DGKB: variants seen among roughly 807,000 people sequenced by gnomAD.
DGKB encodes the protein diacylglycerol kinase beta.
A neutral mutation model predicts 114.3 loss-of-function variants in DGKB; 67 were observed. The observed-to-expected ratio is 0.59, with a 90% confidence interval of 0.48 to 0.72. DGKB has a LOEUF of 0.72. Ranked by LOEUF, DGKB falls within the 30% of genes least tolerant of loss-of-function variation. DGKB has a pLI of 0.00. For synonymous variants in DGKB, 398 were observed against 323.1 expected, an observed-to-expected ratio of 1.23 and a Z score of -2.49; for missense variants, 907 against 975.2, an observed-to-expected ratio of 0.93 and a Z score of 0.93.
intron 23 of DGKB, among the ~76,000 whole-genome samples, chr7:14,313,612 A>T (rs898685722): frequency 2.6e-5 from 4 of 152,142 alleles, no homozygotes. Flanking sequence ...TTATATCCGC[A>T]CCTGGCTCGG....
chr7:14,820,112 A>G (rs555868018), intron 2 of DGKB, among the ~76,000 whole-genome samples: 2 of 152,180 alleles, frequency 1.3e-5, no homozygotes, highest in African/African-American at 2.4e-5. Flanking sequence ...AGCTCATTGT[A>G]GTAGGAATTA....
intron 13 of DGKB, among the ~76,000 whole-genome samples, chr7:14,670,532 T>C (rs1818799301): frequency 6.6e-6 from 1 of 152,108 alleles, no homozygotes; most frequent in East Asian, 1.9e-4. Flanking sequence ...CTTGAACTCC[T>C]GACCTCAAGT....
Position 14,614,399 on chromosome 7 carries a change from A to T in DGKB, c.1285-986T>A, listed in dbSNP as rs541263152. Among the ~76,000 whole-genome samples, 11 of 152,228 alleles carry T rather than the reference A, an allele frequency of 7.2e-5. No individual in the cohort carries two copies. The South Asian group carries it at 2.1e-3, about 29-fold the overall frequency. ...ATCTAAATACAGTTTGATGAAAAAA[A>T]TTTAATAACAAAAGTATTCAGCTAA... On this transcript the variant is annotated intron_variant, in intron 15 of 25. Transcript: ENST00000402815.
intron 22 of DGKB, 87 bp from the exon 23 acceptor site, chr7:14,338,797 A>G: frequency 1.2e-6 from 1 of 837,944 alleles, no homozygotes; most frequent in Non-Finnish European, 1.7e-6. Context: ...ATCTTTTAAT[A>G]AGTGCGTTGA....
At chr7:14,415,351 T>C (rs1583764234) in intron 21 of DGKB, among the ~76,000 whole-genome samples, 2 of 152,184 alleles carry the variant, frequency 1.3e-5, no homozygotes, top group African/African-American at 4.8e-5. Context: ...ACATGTGCCA[T>C]GTTGGTGTGC....
intron 1 of DGKB, among the ~76,000 whole-genome samples, chr7:14,940,185 T>C (rs1163437354): frequency 1.3e-5 from 2 of 152,184 alleles, no homozygotes; most frequent in South Asian, 4.1e-4. Context: ...TCAGCAAATA[T>C]TTAATGAATG....
At chr7:14,672,407 G>T (rs1330278217) in intron 13 of DGKB, among the ~76,000 whole-genome samples, 1 of 151,700 alleles carries the variant, frequency 6.6e-6, no homozygotes, top group African/African-American at 2.4e-5. Context: ...TATACTTATT[G>T]AATTAAGTAA....
At chr7:14,296,449 G>C (rs1802577918) in intron 23 of DGKB, among the ~76,000 whole-genome samples, 1 of 152,116 alleles carries the variant, frequency 6.6e-6, no homozygotes, top group Non-Finnish European at 1.5e-5. Context: ...ATTGTGAATA[G>C]TGCTGCAATA....
chr7:14,272,592 T>C (rs1378320397), intron 23 of DGKB, among the ~76,000 whole-genome samples: 1 of 152,186 alleles, frequency 6.6e-6, no homozygotes, highest in Non-Finnish European at 1.5e-5. Context: ...TGCCATACTG[T>C]TAGCACCTCC....
At chr7:14,542,792 G>T (rs186673262) in intron 20 of DGKB, among the ~76,000 whole-genome samples, 1 of 152,246 alleles carries the variant, frequency 6.6e-6, no homozygotes, top group African/African-American at 2.4e-5. Flanking sequence ...CGCATCCAGA[G>T]GACTTTTGGA....
intron 23 of DGKB, among the ~76,000 whole-genome samples, chr7:14,268,443 G>C (rs1797831122): frequency 6.6e-6 from 1 of 152,144 alleles, no homozygotes; most frequent in African/African-American, 2.4e-5. Flanking sequence ...AATACATGGA[G>C]ATACTTCAAG....
intron 25 of DGKB, among the ~76,000 whole-genome samples, chr7:14,175,084 AAATC>A (rs1268637608): frequency 2.6e-5 from 4 of 152,234 alleles, no homozygotes; most frequent in African/African-American, 9.6e-5. Context: ...GTGCTGTTTG[AAATC>A]TGTAACTAAG....
intron 21 of DGKB, among the ~76,000 whole-genome samples, chr7:14,347,335 G>C (rs865960923): frequency 6.6e-6 from 1 of 151,986 alleles, no homozygotes; most frequent in South Asian, 2.1e-4. Flanking sequence ...TTTGTATACT[G>C]TTAGTGAGAA....
At chr7:14,817,783 C>T (rs1053194057) in intron 2 of DGKB, among the ~76,000 whole-genome samples, 2 of 152,148 alleles carry the variant, frequency 1.3e-5, no homozygotes, top group African/African-American at 4.8e-5. Flanking sequence ...ATTTCCATAT[C>T]CCTGCCACAG....
intron 1 of DGKB, among the ~76,000 whole-genome samples, chr7:14,955,794 G>A (rs1786469160): frequency 6.6e-6 from 1 of 152,040 alleles, no homozygotes; most frequent in Non-Finnish European, 1.5e-5. Flanking sequence ...CAGATGATAT[G>A]TGGAATCATA....
At chr7:14,405,197 CAGA>C (rs1007336116) in intron 21 of DGKB, among the ~76,000 whole-genome samples, 1 of 151,938 alleles carries the variant, frequency 6.6e-6, no homozygotes, top group African/African-American at 2.4e-5. Context: ...ATCTAGTCAA[CAGA>C]AGAATGGGTA....
chr7:14,956,686 C>T (rs1191723812), intron 1 of DGKB, among the ~76,000 whole-genome samples: 2 of 151,856 alleles, frequency 1.3e-5, no homozygotes, highest in African/African-American at 2.4e-5. Flanking sequence ...ATTGTAACAT[C>T]AAAGATCAAT....
At chr7:14,307,047 C>G (rs914653847) in intron 23 of DGKB, among the ~76,000 whole-genome samples, 4 of 143,338 alleles carry the variant, frequency 2.8e-5, no homozygotes, top group African/African-American at 1.0e-4. Context: ...CATTATAGCA[C>G]TTATCATACT....
intron 5 of DGKB, among the ~76,000 whole-genome samples, chr7:14,722,279 A>G (rs527778910): frequency 2.0e-5 from 3 of 152,066 alleles, no homozygotes; most frequent in Non-Finnish European, 4.4e-5. Flanking sequence ...CCTCCCAACA[A>G]TCTCTGAACC....
Sources: gnomAD v4.1 joint callset for allele counts (sites outside exome capture counted in the v4.1 genomes callset) on GRCh38, gnomAD v4.1.1 for gene constraint, MANE v1.5 for transcripts, NCBI Gene and HGNC (gene_info 2026-07-23, HGNC 2026-07-21) for gene names.